USP31: variants seen among roughly 807,000 people sequenced by gnomAD.
USP31 encodes ubiquitin specific peptidase 31, also known as ubiquitin carboxyl-terminal hydrolase 31.
Under a neutral mutation model 119.4 loss-of-function variants are expected in USP31, and 44 were observed. The observed-to-expected ratio is 0.37, with a 90% CI of 0.29 to 0.47. The LOEUF (loss-of-function observed/expected upper bound fraction) is 0.47. Ranked by LOEUF, USP31 falls within the 20% of genes least tolerant of loss-of-function variation. The probability of loss-of-function intolerance (pLI) is 0.99; values close to 1 mark genes in which losing one functional copy is unlikely to be tolerated. For synonymous variants in USP31, 749 were observed against 705.6 expected (o/e 1.06, Z -0.97); for missense variants, 1,643 against 1,730.2 (o/e 0.95, Z 0.89).
In USP31 at chr16:23,072,042, C is replaced by T; in HGVS notation, c.2488+3G>A. 1 of 1,608,580 alleles carries T rather than the reference C, an allele frequency of 6.2e-7. No homozygotes were observed. Among genetic ancestry groups the T allele is most frequent in the Non-Finnish European group, 8.5e-7 (1 of 1,176,208 alleles). Reference sequence around the variant, plus strand: ...GAAATTTGTCACCAAAACCCACACCCACCATCATCTTCACTCCTTTCTCCA... The same window carrying T: ...GAAATTTGTCACCAAAACCCACACCTACCATCATCTTCACTCCTTTCTCCA... On this transcript the variant is annotated splice_donor_region_variant and intron_variant, in intron 15 of 15. Coordinates refer to ENST00000219689, the MANE Select transcript of USP31 (RefSeq NM_020718.4).
chr16:23,069,739 C>G (rs1900270728), intron 15 of USP31, 123 bp from the exon 16 acceptor site: 2 of 1,305,892 alleles, frequency 1.5e-6, no homozygotes, highest in Non-Finnish European at 2.0e-6. Flanking sequence ...ACCTTCAGAG[C>G]CAGCCCATCT....
chr16:23,074,742 C>G (rs1900488539), intron 13 of USP31, among the ~76,000 whole-genome samples: 1 of 152,166 alleles, frequency 6.6e-6, no homozygotes, highest in South Asian at 2.1e-4. Flanking sequence ...AAATTCTAAG[C>G]CTGAGCTAGA....
At chr16:23,084,639 T>C (rs1160950889) in intron 11 of USP31, among the ~76,000 whole-genome samples, 1 of 152,218 alleles carries the variant, frequency 6.6e-6, no homozygotes. Flanking sequence ...TGAAGGTTCA[T>C]TTCCAGAGTA....
chr16:23,123,428 C>G (rs1377693149), intron 1 of USP31, among the ~76,000 whole-genome samples: 8 of 152,044 alleles, frequency 5.3e-5, no homozygotes, highest in African/African-American at 1.9e-4. Flanking sequence ...ATTCCAGCTA[C>G]TCATGAGGCT....
At chr16:23,072,241 C>T (rs1567224968) in intron 14 of USP31, 44 bp from the exon 15 acceptor site, 10 of 1,574,738 alleles carry the variant, frequency 6.4e-6, no homozygotes, top group Admixed American at 1.8e-5. Flanking sequence ...TGGGGTCCCT[C>T]GGCCAGCCCT....
Position 23,148,878 on chromosome 16 carries a change from G to T in USP31, c.393C>A (p.Arg131=). 6.8e-7 allele frequency: 1 copy of T among 1,468,290 alleles called. No homozygotes were observed. The highest frequency in any genetic ancestry group is 1.4e-5 in the South Asian group (1 of 72,170). 91.0% of individuals were successfully genotyped at this position (1,468,290 alleles called of 1,614,324 possible). A position where few individuals can be genotyped will look rare whatever the true frequency, so the allele number is the denominator to read the frequency against. ...AEPVPGVAGL[R]NHGNTCFMNA... ...TCATGAAGCACGTGTTGCCGTGGTT[G>T]CGGAGCCCCGCCACGCCGGGCACCG... Residue 131 remains arginine (R), a synonymous_variant, in exon 1 of 16, where the codon CGC becomes CGA. Transcript: ENST00000219689.
chr16:23,149,155 C>T lies in USP31; in HGVS notation c.116G>A (p.Gly39Glu). 3 of 1,174,056 alleles carry T rather than the reference C, an allele frequency of 2.6e-6. No individual in the cohort carries two copies. Among genetic ancestry groups the T allele is most frequent in the Non-Finnish European group, 3.2e-6 (3 of 945,914 alleles). 72.7% of individuals were successfully genotyped at this position (1,174,056 alleles called of 1,614,324 possible). A position where few individuals can be genotyped will look rare whatever the true frequency, so the allele number is the denominator to read the frequency against. ...RSGRAGGGGA[G>E]GPGASGPAAP... ...GGCCGGCCCGGACGCCCCGGGGCCC[C>T]CCGCGCCGCCGCCGCCAGCGCGGCC... is the stretch of plus-strand genomic sequence containing the variant. The change falls in exon 1 of 16, where the codon GGG becomes GAG. Residue 39 changes from glycine to glutamate, a missense_variant. Physicochemically the swap from Gly to Glu is moderately conservative, Grantham distance 98. Around this residue, in one of 5 missense-constraint regions of USP31, gnomAD observed 302 missense variants for 262.6 expected, o/e 1.15. Transcript: ENST00000219689.
intron 15 of USP31, among the ~76,000 whole-genome samples, chr16:23,071,118 T>C (rs984837294): frequency 1.3e-5 from 2 of 152,198 alleles, no homozygotes; most frequent in Non-Finnish European, 2.9e-5. Context: ...CAGTCCAATG[T>C]TTTTATTTTA....
intron 6 of USP31, among the ~76,000 whole-genome samples, chr16:23,094,878 A>G (rs1035618351): frequency 6.6e-6 from 1 of 152,266 alleles, no homozygotes; most frequent in Admixed American, 6.5e-5. Context: ...TCAAAGGTAG[A>G]TAAAACCACA....
intron 8 of USP31, 85 bp downstream of exon 8, chr16:23,087,639 C>G (rs1901166780): frequency 1.5e-6 from 2 of 1,294,342 alleles, no homozygotes; most frequent in Admixed American, 4.2e-5. Context: ...AATCTAAACA[C>G]AAGAAACTCA....
intron 1 of USP31, among the ~76,000 whole-genome samples, chr16:23,127,446 A>G (rs1902895873): frequency 6.6e-6 from 1 of 152,054 alleles, no homozygotes; most frequent in Admixed American, 6.6e-5. Flanking sequence ...CCTCATTTTA[A>G]AAAAGATTAA....
Position 23,118,902 on chromosome 16 carries a change from G to A in USP31, c.634-10719C>T, listed in dbSNP as rs139369741. ...GCAGGAGGATCGCTTGAACCCAGGA[G>A]GCGGAGGTTGCAGTCAACTGAGATC... On this transcript the variant is annotated intron_variant, in intron 1 of 15. Coordinates refer to ENST00000219689, the MANE Select transcript of USP31 (RefSeq NM_020718.4). Among the ~76,000 whole-genome samples the A allele has an allele frequency of 1.9e-3, 287 of 151,912 alleles. 1 individual carries two copies. The highest frequency in any genetic ancestry group is 6.7e-3 in the African/African-American group (278 of 41,478).
chr16:23,103,665 A>G (rs1024195142), intron 5 of USP31, among the ~76,000 whole-genome samples: 1 of 152,252 alleles, frequency 6.6e-6, no homozygotes, highest in African/African-American at 2.4e-5. Context: ...CAGTAATCCC[A>G]GCACTTTGGG....
At chr16:23,143,489 AG>A (rs1416116524) in intron 1 of USP31, among the ~76,000 whole-genome samples, 1 of 151,320 alleles carries the variant, frequency 6.6e-6, no homozygotes. Context: ...AAGTGATGCA[AG>A]GGTCCTGCCA....
chr16:23,066,527 G>A lies in USP31; in HGVS notation c.*1519C>T, dbSNP rs1405427420. 6.6e-6 allele frequency: 1 copy of A among 152,056 alleles called. No individual in the cohort carries two copies. Among genetic ancestry groups the A allele is most frequent in the Non-Finnish European group, 1.5e-5 (1 of 68,018 alleles). 9.4% of individuals were successfully genotyped at this position (152,056 alleles called of 1,614,324 possible). A position where few individuals can be genotyped will look rare whatever the true frequency, so the allele number is the denominator to read the frequency against. ...TTATATATGGATCTGTGCACCAAGG[G>A]TTCAAGAAGAACTTGAAGAGTCTGA... On this transcript the variant is annotated 3_prime_UTR_variant, in exon 16 of 16. Transcript: ENST00000219689.
chr16:23,068,212 G>GACAA lies in USP31; in HGVS notation c.3892_3893insTTGT (p.Pro1298LeufsTer44). 1 of 1,614,190 alleles carries GACAA rather than the reference G, an allele frequency of 6.2e-7. No homozygotes were observed. Among genetic ancestry groups the GACAA allele is most frequent in the Non-Finnish European group, 8.5e-7 (1 of 1,180,032 alleles). On this transcript the variant is annotated frameshift_variant, in exon 16 of 16. Coordinates refer to ENST00000219689, the MANE Select transcript of USP31 (RefSeq NM_020718.4). LOFTEE classifies it high-confidence loss of function. ...CAGCAGGGAATGTTTGGCAGAAGCA[G>GACAA]GGTCCTTGGTGACAAGCTGCTCTTT...
intron 10 of USP31, 106 bp downstream of exon 10, chr16:23,085,479 A>C: frequency 9.6e-7 from 1 of 1,041,454 alleles, no homozygotes. Flanking sequence ...ACTTAGCTAA[A>C]GAGAAGAGAG....
intron 1 of USP31, among the ~76,000 whole-genome samples, chr16:23,138,219 A>AT (rs1903251655): frequency 6.6e-6 from 1 of 152,258 alleles, no homozygotes; most frequent in African/African-American, 2.4e-5. Context: ...TTGGAGTGTT[A>AT]TAACAAATAG....
At chr16:23,117,802 GTTGTTGTTGAGATGGAGTCTC>G (rs1391654246) in intron 1 of USP31, among the ~76,000 whole-genome samples, 1 of 145,418 alleles carries the variant, frequency 6.9e-6, no homozygotes, top group Non-Finnish European at 1.5e-5. Flanking sequence ...CTCTGTTCTT[GTTGTTGTTGAGATGGAGTCTC>G]TCTCTGCCCA....
Sources: allele counts gnomAD v4.1 joint callset (sites outside exome capture counted in the v4.1 genomes callset), GRCh38; gene constraint gnomAD v4.1.1; regional missense constraint gnomAD v4.1.1; transcripts MANE v1.5; gene names NCBI Gene and HGNC (gene_info 2026-07-23, HGNC 2026-07-21).